PECAM1: variants seen among roughly 807,000 people sequenced by gnomAD.
The protein encoded by PECAM1 is platelet and endothelial cell adhesion molecule 1, also known as platelet endothelial cell adhesion molecule.
In PECAM1, 8 loss-of-function variants were observed where a neutral mutation model predicts 13.8. That is an observed-to-expected ratio of 0.58 (90% CI 0.34 to 1.05). The LOEUF is 1.05. Among genes scored for constraint, PECAM1 ranks in the 50% least tolerant of loss-of-function variants. PECAM1 has a pLI of 0.03. For synonymous variants in PECAM1, 136 were observed against 52.6 expected (o/e 2.58, Z -6.86); for missense variants, 304 against 141.2 (o/e 2.15, Z -5.84).
Position 64,356,396 on chromosome 17 carries a change from G to T in PECAM1, c.1495C>A (p.Pro499Thr). The T allele has an allele frequency of 2.2e-6, 1 of 464,336 alleles. No individual in the cohort carries two copies. Among genetic ancestry groups the T allele is most frequent in the African/African-American group, 2.0e-5 (1 of 50,284 alleles). 28.8% of individuals were successfully genotyped at this position (464,336 alleles called of 1,614,324 possible). The change falls in exon 8 of 16, where the codon CCG (proline) becomes ACG (threonine). Residue 499 changes from proline (P) to threonine (T), a missense_variant and splice_region_variant. By Grantham distance (38) the Pro-to-Thr change is conservative. Transcript: ENST00000563924. ...ATAGAAATCTGGACCTCATCCACCG[G>T]GGCTGAAAAGCAGGAAAAGGATTCA... Reference protein sequence around the residue: ...SEVLRVKVIAPVDEVQISILS... With the variant: ...SEVLRVKVIATVDEVQISILS...
chr17:64,361,655 A>T (rs968824603), intron 6 of PECAM1, among the ~76,000 whole-genome samples: 1 of 145,636 alleles, frequency 6.9e-6, no homozygotes, highest in Non-Finnish European at 1.5e-5. Context: ...CGGGAGGCTG[A>T]GGCAGGAGAA....
chr17:64,381,599 C>T (rs1361749412), intron 2 of PECAM1, among the ~76,000 whole-genome samples: 3 of 152,126 alleles, frequency 2.0e-5, no homozygotes, highest in Non-Finnish European at 4.4e-5. Flanking sequence ...ACAATTTGCG[C>T]CTGCTGCTAT....
rs1023114870 is a variant in PECAM1, at chr17:64,341,500, C to G, written c.2164+134G>C. On this transcript the variant is annotated intron_variant, in intron 14 of 15. Transcript: ENST00000563924. ...TAAGGGTGGTGGGAGAGAGGAAGCC[C>G]ACAGCGCTGGTGTAAGAGGTGGCAC... 1.6e-4 allele frequency: 63 copies of G among 402,420 alleles called. 1 individual carries two copies. In the South Asian group the frequency reaches 7.6e-3, roughly 48 times the overall value. The allele number at this position is 402,420 out of a possible 1,614,324, so 24.9% of individuals were successfully genotyped here.
At chr17:64,368,827 T>C (rs2036169191) in intron 5 of PECAM1, among the ~76,000 whole-genome samples, 1 of 139,612 alleles carries the variant, frequency 7.2e-6, no homozygotes, top group African/African-American at 2.7e-5. Context: ...CACTCCAGCC[T>C]GGGCAACAGA....
At chr17:64,386,262 G>A (rs1376588901) in intron 2 of PECAM1, among the ~76,000 whole-genome samples, 15 of 152,032 alleles carry the variant, frequency 9.9e-5, no homozygotes, top group South Asian at 2.1e-4. Flanking sequence ...AAAATTAGCC[G>A]GGCATGGTGG....
intron 14 of PECAM1, among the ~76,000 whole-genome samples, chr17:64,335,744 C>CA (rs2035260503): frequency 2.6e-5 from 4 of 152,252 alleles, no homozygotes; most frequent in Admixed American, 2.6e-4. Context: ...GGTAGGGCTC[C>CA]AAGTGTCTCA....
rs537282004 is a variant in PECAM1 at position 64,320,194 on chromosome 17, T to C, written c.*3622A>G. The C allele has an allele frequency of 1.3e-5, 2 of 151,814 alleles. No individual in the cohort carries two copies. Among genetic ancestry groups the C allele is most frequent in the African/African-American group, 4.8e-5 (2 of 41,328 alleles). 9.4% of individuals were successfully genotyped at this position (151,814 alleles called of 1,614,324 possible). On this transcript the variant is annotated 3_prime_UTR_variant, in exon 16 of 16. Coordinates refer to ENST00000563924, the MANE Select transcript of PECAM1 (RefSeq NM_000442.5). ...ACACGCCAATGACGCTGGTGGAGAG[T>C]CTTAAAAACAGCTGTGCTGGGGAGA...
chr17:64,327,898 C>T (rs1250550855), intron 15 of PECAM1, among the ~76,000 whole-genome samples: 1 of 152,194 alleles, frequency 6.6e-6, no homozygotes. Context: ...CCCCACTGGG[C>T]AATTCAATTA....
At chr17:64,380,335 A>C (rs972960230) in intron 2 of PECAM1, among the ~76,000 whole-genome samples, 1 of 127,920 alleles carries the variant, frequency 7.8e-6, no homozygotes, top group East Asian at 2.2e-4. Flanking sequence ...TCTAAAAAAA[A>C]TTAAATAAGT....
chr17:64,376,570 A>G (rs2036364317), intron 3 of PECAM1, among the ~76,000 whole-genome samples: 1 of 152,190 alleles, frequency 6.6e-6, no homozygotes, highest in African/African-American at 2.4e-5. Flanking sequence ...TATGAGCCAC[A>G]TTCATTGTTC....
At chr17:64,378,416 T>C (rs949305544) in intron 2 of PECAM1, among the ~76,000 whole-genome samples, 5 of 152,152 alleles carry the variant, frequency 3.3e-5, no homozygotes, top group African/African-American at 1.2e-4. Context: ...CCAAGGTGGG[T>C]GGATCACCTG....
chr17:64,361,177 G>A (rs1213432456), intron 6 of PECAM1, among the ~76,000 whole-genome samples: 33 of 139,166 alleles, frequency 2.4e-4, no homozygotes, highest in Admixed American at 1.8e-3. Flanking sequence ...ACCGAGTCTT[G>A]CTCTGTCACC....
At chr17:64,379,165 G>T (rs1189957799) in intron 2 of PECAM1, 2 of 152,216 alleles carry the variant, frequency 1.3e-5, no homozygotes, top group Non-Finnish European at 2.9e-5. Context: ...CAGCCACAAT[G>T]CTCAATCAGC....
Position 64,322,219 on chromosome 17 carries a change from C to G in PECAM1, c.*1597G>C. ...TGGCCAACGTGGTGAAACCCCATCTCTACTAAAAATACAAAAATTAGCCAG... is the reference window on the plus strand; with the variant it reads ...TGGCCAACGTGGTGAAACCCCATCTGTACTAAAAATACAAAAATTAGCCAG... On this transcript the variant is annotated 3_prime_UTR_variant, in exon 16 of 16. Coordinates refer to ENST00000563924, the MANE Select transcript of PECAM1 (RefSeq NM_000442.5). 2.2e-6 allele frequency: 1 copy of G among 444,748 alleles called. No homozygotes were observed. The highest frequency in any genetic ancestry group is 6.3e-5 in the Admixed American group (1 of 16,000). 27.6% of individuals were successfully genotyped at this position (444,748 alleles called of 1,614,324 possible).
At chr17:64,373,148 A>AAATAAAT (rs1598045725) in intron 4 of PECAM1, among the ~76,000 whole-genome samples, 21,952 of 139,158 alleles carry the variant, frequency 0.16, 1,957 homozygotes, top group South Asian at 0.25. Context: ...AATAAATAAA[A>AAATAAAT]AAAAAAGAAA....
rs1555645553 is a variant in PECAM1 at position 64,325,778 on chromosome 17, C to A, written c.2188-1933G>T. On this transcript the variant is annotated intron_variant, in intron 15 of 15. Coordinates refer to ENST00000563924, the MANE Select transcript of PECAM1 (RefSeq NM_000442.5). ...AACAAAAAAAGCAAAAAAACACCCA[C>A]AAAAGGATTCCTGGATTCCTTCTGC... Among the ~76,000 whole-genome samples, 6 of 152,070 alleles carry A rather than the reference C, an allele frequency of 3.9e-5. No homozygotes were observed. In the South Asian group the frequency reaches 1.2e-3, roughly 31 times the overall value.
intron 12 of PECAM1, among the ~76,000 whole-genome samples, chr17:64,349,229 T>G (rs1368093256): frequency 6.6e-6 from 1 of 152,176 alleles, no homozygotes; most frequent in Non-Finnish European, 1.5e-5. Flanking sequence ...CATTACTGTT[T>G]TGTTTTTAAA....
In PECAM1 at chr17:64,367,142, C is replaced by T. The variant is rs995742398; in HGVS notation, c.967+2608G>A. ...TATTTATTGCAGGTTCTCTCTGTGGCGGGCCCCTTGCTAGGCACTGAGAGA... is the reference window on the plus strand; with the variant it reads ...TATTTATTGCAGGTTCTCTCTGTGGTGGGCCCCTTGCTAGGCACTGAGAGA... On this transcript the variant is annotated intron_variant, in intron 5 of 15. Coordinates refer to ENST00000563924, the MANE Select transcript of PECAM1 (RefSeq NM_000442.5). 1.9e-4 allele frequency among the ~76,000 whole-genome samples: 29 copies of T among 152,106 alleles called. No individual in the cohort carries two copies. In the South Asian group the frequency reaches 3.9e-3, roughly 21 times the overall value.
chr17:64,329,009 C>G (rs2035031935), intron 15 of PECAM1, among the ~76,000 whole-genome samples: 1 of 152,036 alleles, frequency 6.6e-6, no homozygotes, highest in Non-Finnish European at 1.5e-5. Context: ...ACTTATCTTT[C>G]TCCCGTCACT....
Sources: allele counts gnomAD v4.1 joint callset (sites outside exome capture counted in the v4.1 genomes callset), GRCh38; gene constraint gnomAD v4.1.1; transcripts MANE v1.5; gene names NCBI Gene and HGNC (gene_info 2026-07-23, HGNC 2026-07-21).